The following FYN variants were observed in gnomAD, a reference collection of about 807,000 sequenced individuals.
FYN encodes FYN proto-oncogene, Src family tyrosine kinase, also known as tyrosine-protein kinase Fyn.
FYN carries 10 observed loss-of-function variants against 70.2 expected under a neutral mutation model. The ratio of observed to expected loss-of-function variants is 0.14; its 90% CI spans 0.09 to 0.24. FYN has a LOEUF of 0.24. FYN is among the 10% of genes least tolerant of loss of function. The pLI is 1.00. For synonymous variants in FYN, 236 were observed against 248.6 expected, an observed-to-expected ratio of 0.95 and a Z score of 0.48; for missense variants, 319 against 673.1, an observed-to-expected ratio of 0.47 and a Z score of 5.82.
At chr6:111,788,372 A>C (rs1043314414) in intron 2 of FYN, among the ~76,000 whole-genome samples, 3 of 152,200 alleles carry the variant, frequency 2.0e-5, no homozygotes, top group Non-Finnish European at 4.4e-5. Flanking sequence ...TCTGTGACCA[A>C]ATTACATACA....
Position 111,696,298 on chromosome 6 carries a change from C to T in FYN, c.1021G>A (p.Val341Ile), listed in dbSNP as rs757587326. ...AVVSEEPIYI[V>I]TEYMNKGSLL... is the part of the protein sequence containing the mutation. ...CAACCTTTGTTCATATACTCGGTGACGATGTAGATGGGCTCCTCAGACACC... is the reference window on the plus strand; with the variant it reads ...CAACCTTTGTTCATATACTCGGTGATGATGTAGATGGGCTCCTCAGACACC... The change falls in exon 10 of 14, where the codon GTC (valine) becomes ATC (isoleucine). Residue 341 changes from valine (V) to isoleucine (I), a missense_variant. Val to Ile is a conservative substitution (Grantham distance 29). Transcript: ENST00000354650. 8.1e-6 allele frequency: 13 copies of T among 1,609,940 alleles called. No homozygotes were observed. The highest frequency in any genetic ancestry group is 1.7e-5 in the Admixed American group (1 of 59,394).
chr6:111,701,104 T>TA (rs954061020), intron 8 of FYN, among the ~76,000 whole-genome samples: 14 of 152,006 alleles, frequency 9.2e-5, no homozygotes, highest in African/African-American at 2.2e-4. Flanking sequence ...GTATTCTTTA[T>TA]AAAAAAAAGA....
At chr6:111,848,305 C>G (rs1199243685) in intron 1 of FYN, among the ~76,000 whole-genome samples, 1 of 152,192 alleles carries the variant, frequency 6.6e-6, no homozygotes, top group Non-Finnish European at 1.5e-5. Context: ...TTACCATTTC[C>G]AAAGTAGGGA....
chr6:111,778,251 GAAGAA>G (rs1282360425), intron 3 of FYN, among the ~76,000 whole-genome samples: 2 of 152,208 alleles, frequency 1.3e-5, no homozygotes, highest in African/African-American at 4.8e-5. Flanking sequence ...TTCACCCAGA[GAAGAA>G]AAGATGAATG....
chr6:111,816,664 T>C (rs976696833), intron 2 of FYN, among the ~76,000 whole-genome samples: 1 of 152,148 alleles, frequency 6.6e-6, no homozygotes, highest in African/African-American at 2.4e-5. Flanking sequence ...TGATGACCAA[T>C]AAAAACTATT....
chr6:111,770,428 T>A (rs1456474057), intron 3 of FYN, among the ~76,000 whole-genome samples: 1 of 152,116 alleles, frequency 6.6e-6, no homozygotes, highest in Non-Finnish European at 1.5e-5. Context: ...ATGTGGCTGA[T>A]GGTGGGAAGC....
intron 3 of FYN, among the ~76,000 whole-genome samples, chr6:111,740,327 T>C (rs1003185612): frequency 6.6e-6 from 1 of 152,114 alleles, no homozygotes; most frequent in African/African-American, 2.4e-5. Flanking sequence ...AATAAAAAAA[T>C]TGGATACAAT....
Position 111,719,799 on chromosome 6 carries a change from G to A in FYN, c.247+6C>T. On this transcript the variant is annotated splice_donor_region_variant and intron_variant, in intron 4 of 13. Transcript: ENST00000354650. ...CTCTCTGCACTCTGTGACTTTGGGG[G>A]CTTACCTGTTCCTCCTCTCGTACGC... 6.2e-7 allele frequency: 1 copy of A among 1,613,440 alleles called. No homozygotes were observed. Among genetic ancestry groups the A allele is most frequent in the Non-Finnish European group, 8.5e-7 (1 of 1,179,460 alleles).
rs527358573 is a variant in FYN at position 111,819,629 on chromosome 6, C to T, written c.-82+26960G>A. Among the ~76,000 whole-genome samples, 25 of 152,074 alleles carry T rather than the reference C, an allele frequency of 1.6e-4. No individual in the cohort carries two copies. In the South Asian group the frequency reaches 3.9e-3, roughly 24 times the overall value. On this transcript the variant is annotated intron_variant, in intron 2 of 13. Transcript: ENST00000354650. Reference sequence around the variant, plus strand: ...GCAGATTTTTAATTAGTTTTACAGACGCATAGACTGTAAAGGTCTTTGTGT... The same window carrying T: ...GCAGATTTTTAATTAGTTTTACAGATGCATAGACTGTAAAGGTCTTTGTGT...
At chr6:111,739,228 C>T (rs1383794435) in intron 3 of FYN, among the ~76,000 whole-genome samples, 1 of 152,222 alleles carries the variant, frequency 6.6e-6, no homozygotes, top group East Asian at 1.9e-4. Context: ...CAGCAGTGCA[C>T]GGAGGGTGGA....
In FYN at chr6:111,719,968, G is replaced by A; in HGVS notation, c.84C>T (p.Tyr28=). Residue 28 remains tyrosine (Y), a synonymous_variant, in exon 4 of 14, where the codon TAC becomes TAT. Transcript: ENST00000354650. ...GAGGGGTGGGGTCTGTGCCATAGCG[G>A]TACCCAGAGCTCTGGTTCAGGCTGC... ...RDGSLNQSSG[Y]RYGTDPTPQH... is the part of the protein sequence containing the mutation. The A allele has an allele frequency of 6.2e-7, 1 of 1,614,132 alleles. No individual in the cohort carries two copies. Among genetic ancestry groups the A allele is most frequent in the Non-Finnish European group, 8.5e-7 (1 of 1,180,002 alleles).
intron 13 of FYN, among the ~76,000 whole-genome samples, chr6:111,662,352 C>G (rs1797783081): frequency 6.6e-6 from 1 of 152,206 alleles, no homozygotes; most frequent in Admixed American, 6.5e-5. Flanking sequence ...GTCAACGGGT[C>G]AACAAACTTT....
chr6:111,859,653 T>C (rs1272400658), intron 1 of FYN, among the ~76,000 whole-genome samples: 1 of 152,232 alleles, frequency 6.6e-6, no homozygotes, highest in East Asian at 1.9e-4. Flanking sequence ...AGCACCACGA[T>C]ACCTGCCATT....
At chr6:111,811,216 T>C (rs1433869144) in intron 2 of FYN, among the ~76,000 whole-genome samples, 1 of 152,240 alleles carries the variant, frequency 6.6e-6, no homozygotes, top group African/African-American at 2.4e-5. Flanking sequence ...ATTTCATTTA[T>C]GAATTTCTTT....
At chr6:111,668,020 T>C (rs543967607) in intron 13 of FYN, among the ~76,000 whole-genome samples, 1 of 152,358 alleles carries the variant, frequency 6.6e-6, no homozygotes, top group South Asian at 2.1e-4. Context: ...ACGTTGTGCA[T>C]AAGGCCTTGG....
At chr6:111,781,848 A>C (rs1771186621) in intron 2 of FYN, among the ~76,000 whole-genome samples, 1 of 152,234 alleles carries the variant, frequency 6.6e-6, no homozygotes, top group Non-Finnish European at 1.5e-5. Context: ...ATCTTTCAAT[A>C]CTTAAATAAT....
At chr6:111,819,563 C>T (rs1179767550) in intron 2 of FYN, among the ~76,000 whole-genome samples, 1 of 151,988 alleles carries the variant, frequency 6.6e-6, no homozygotes, top group African/African-American at 2.4e-5. Context: ...AGACCATGAC[C>T]CATATTAAAT....
At chr6:111,674,393 A>C in intron 13 of FYN, 106 bp downstream of exon 13, 1 of 1,260,280 alleles carries the variant, frequency 7.9e-7, no homozygotes, top group Non-Finnish European at 1.1e-6. Context: ...CAAGCTCAGC[A>C]GAAAGCTGAG....
At chr6:111,838,076 A>T (rs1452565525) in intron 2 of FYN, among the ~76,000 whole-genome samples, 3 of 152,278 alleles carry the variant, frequency 2.0e-5, no homozygotes, top group Non-Finnish European at 2.9e-5. Context: ...ACATACCCAC[A>T]AAGGAGGATC....
Sources: allele counts gnomAD v4.1 joint callset (sites outside exome capture counted in the v4.1 genomes callset), GRCh38; gene constraint gnomAD v4.1.1; transcripts MANE v1.5; gene names NCBI Gene and HGNC (gene_info 2026-07-23, HGNC 2026-07-21).